The following LGALS8 variants were observed in gnomAD, a reference collection of about 807,000 sequenced individuals.
LGALS8 encodes the protein galectin 8.
In LGALS8, 30 loss-of-function variants were observed where a neutral mutation model predicts 35.9. The observed-to-expected ratio is 0.83, with a 90% CI of 0.62 to 1.13. LGALS8 has a LOEUF of 1.13. Ranked by LOEUF, LGALS8 falls within the 50% of genes most tolerant of loss-of-function variation. The pLI is 0.00. For missense variants in LGALS8, 366 were observed against 388.7 expected (o/e 0.94, Z 0.49); for synonymous variants, 138 against 136.1 (o/e 1.01, Z -0.10).
chr1:236,530,391 C>T (rs1661080407), intron 2 of LGALS8, among the ~76,000 whole-genome samples: 1 of 152,206 alleles, frequency 6.6e-6, no homozygotes. Context: ...GCCTTCCTGA[C>T]TGAGAGTGGA....
chr1:236,544,729 T>G (rs767636425), intron 8 of LGALS8, 21 bp from the exon 9 acceptor site: 2 of 1,571,444 alleles, frequency 1.3e-6, no homozygotes, highest in Admixed American at 2.0e-5. Context: ...AAGGTTTTTT[T>G]TTTTCTTTCT....
Position 236,549,045 on chromosome 1 carries a change from G to A in LGALS8, c.*884G>A, listed in dbSNP as rs1199637341. On this transcript the variant is annotated 3_prime_UTR_variant, in exon 10 of 10. Transcript: ENST00000366584. Reference sequence around the variant, plus strand: ...ATTTATGGGCAACAAAGTAAGGTCAGGATTAGACTTCAGGCATTCATAAGG... The same window carrying A: ...ATTTATGGGCAACAAAGTAAGGTCAAGATTAGACTTCAGGCATTCATAAGG... The A allele has an allele frequency of 2.5e-6, 1 of 398,576 alleles. No individual in the cohort carries two copies. The highest frequency in any genetic ancestry group is 3.6e-5 in the East Asian group (1 of 28,086). 24.7% of individuals were successfully genotyped at this position (398,576 alleles called of 1,614,324 possible).
chr1:236,547,975 A>AG (rs1662501413), intron 9 of LGALS8, 37 bp from the exon 10 acceptor site: 1 of 1,579,064 alleles, frequency 6.3e-7, no homozygotes, highest in Non-Finnish European at 8.7e-7. Context: ...TTTTAAACTA[A>AG]GGGGAACCAC....
Position 236,537,784 on chromosome 1 carries a change from G to A in LGALS8, c.134+199G>A, listed in dbSNP as rs74151925. Among the ~76,000 whole-genome samples, 333 of 116,130 alleles carry A rather than the reference G, an allele frequency of 2.9e-3. 3 individuals are homozygous for A. Among genetic ancestry groups the A allele is most frequent in the African/African-American group, 9.4e-3 (325 of 34,544 alleles). 76.2% of individuals were successfully genotyped at this position (116,130 alleles called of 152,430 possible). A position where few individuals can be genotyped will look rare whatever the true frequency, so the allele number is the denominator to read the frequency against. Reference sequence around the variant, plus strand: ...ATTGGGATTTATTTCATTGCTGTAAGTCTGATTTCAGTATAAAAAATTAGA... The same window carrying A: ...ATTGGGATTTATTTCATTGCTGTAAATCTGATTTCAGTATAAAAAATTAGA... On this transcript the variant is annotated intron_variant, in intron 3 of 9. Coordinates refer to ENST00000366584, the MANE Select transcript of LGALS8 (RefSeq NM_201544.4).
intron 1 of LGALS8, chr1:236,524,648 G>A (rs982399659): frequency 1.2e-5 from 4 of 347,588 alleles, no homozygotes; most frequent in African/African-American, 2.1e-5. Context: ...TGTTCATGCT[G>A]GCGGGACCTG....
intron 5 of LGALS8, chr1:236,541,390 T>TA (rs1344188908): frequency 2.2e-5 from 7 of 324,708 alleles, no homozygotes; most frequent in Non-Finnish European, 3.3e-5. Context: ...TGATAGATAC[T>TA]AACTCGCCCT....
intron 2 of LGALS8, among the ~76,000 whole-genome samples, chr1:236,529,933 G>C (rs1661055636): frequency 6.6e-6 from 1 of 152,196 alleles, no homozygotes; most frequent in Admixed American, 6.5e-5. Flanking sequence ...GATTATAGGC[G>C]TGAACCACCG....
At chr1:236,540,325 C>T (rs1661895124) in intron 4 of LGALS8, 1 of 441,934 alleles carries the variant, frequency 2.3e-6, no homozygotes, top group African/African-American at 2.1e-5. Flanking sequence ...CTTATGACTG[C>T]CTGTTTGTCT....
At position 236,538,919 on chromosome 1, in the gene LGALS8, C is replaced by T. The variant is rs146280598; in HGVS notation, c.175C>T (p.Arg59Ter). 4.9e-5 allele frequency: 79 copies of T among 1,613,050 alleles called. No homozygotes were observed. The African/African-American group carries it at 8.4e-4, about 17-fold the overall frequency. Residue 59 changes from arginine to a stop codon, truncating the protein, a stop_gained, in exon 4 of 10, where the codon CGA becomes TGA. Coordinates refer to ENST00000366584, the MANE Select transcript of LGALS8 (RefSeq NM_201544.4). LOFTEE classifies it high-confidence loss of function. ...DLQNGSSMKP[R>*]ADVAFHFNPR... ...GCAGAATGGCAGCAGCATGAAACCT[C>T]GAGCCGATGTGGCCTTTCATTTCAA...
intron 2 of LGALS8, among the ~76,000 whole-genome samples, chr1:236,532,727 C>T (rs1040171299): frequency 2.2e-4 from 33 of 152,124 alleles, no homozygotes; most frequent in African/African-American, 8.0e-4. Context: ...ACCTGTAATC[C>T]CAGCTATTCA....
At chr1:236,520,014 T>C (rs1422985461), upstream of LGALS8, among the ~76,000 whole-genome samples, 1 of 145,956 alleles carries the variant, frequency 6.9e-6, no homozygotes, top group East Asian at 2.0e-4. Flanking sequence ...TGGAGTACAG[T>C]GGTACAATCT....
rs549494319 is a variant in LGALS8, at chr1:236,543,475, C to T, written c.550-85C>T. On this transcript the variant is annotated intron_variant, in intron 7 of 9. Coordinates refer to ENST00000366584, the MANE Select transcript of LGALS8 (RefSeq NM_201544.4). ...GATTTACAGGGTCATGGCTCTGAAACATTCCGTAGTGTTCTTTGGACACGA... is the reference window on the plus strand; with the variant it reads ...GATTTACAGGGTCATGGCTCTGAAATATTCCGTAGTGTTCTTTGGACACGA... 4.5e-4 allele frequency: 453 copies of T among 1,011,404 alleles called. 1 individual carries two copies. In the East Asian group the frequency reaches 4.8e-3, roughly 11 times the overall value. The allele number at this position is 1,011,404 out of a possible 1,614,324, so 62.7% of individuals were successfully genotyped here.
Position 236,523,997 on chromosome 1 carries a change from C to T in LGALS8, c.-168C>T. On this transcript the variant is annotated 5_prime_UTR_variant, in exon 1 of 10. Transcript: ENST00000366584. ...GCCCACGGACGCCAGAGCCGGGAAC[C>T]CTGACGGCACTTAGCTGCTGACAAA... 5.0e-6 allele frequency: 2 copies of T among 399,374 alleles called. No individual in the cohort carries two copies. The highest frequency in any genetic ancestry group is 1.0e-5 in the Non-Finnish European group (2 of 197,572). The allele number at this position is 399,374 out of a possible 1,614,324, so 24.7% of individuals were successfully genotyped here.
intron 2 of LGALS8, among the ~76,000 whole-genome samples, chr1:236,527,958 A>T (rs561710047): frequency 3.3e-5 from 5 of 151,674 alleles, no homozygotes; most frequent in Admixed American, 3.3e-4. Flanking sequence ...CTAGTCTCAA[A>T]CTCCTGACCT....
Position 236,542,749 on chromosome 1 carries a change from C to T in LGALS8, c.523-12C>T, listed in dbSNP as rs1553277888. The T allele has an allele frequency of 6.2e-7, 1 of 1,613,704 alleles. No individual in the cohort carries two copies. The highest frequency in any genetic ancestry group is 8.5e-7 in the Non-Finnish European group (1 of 1,179,734). On this transcript the variant is annotated splice_polypyrimidine_tract_variant and intron_variant, in intron 6 of 9. Transcript: ENST00000366584. ...CTTCTAACATTGTTGTGTTTTGTTT[C>T]TTTTCCAATAGGTTCCAAAGTCTGG...
intron 2 of LGALS8, among the ~76,000 whole-genome samples, chr1:236,533,917 TAGCTCCCTCTGACCCTGGATGC>T (rs138991471): frequency 6.1e-5 from 9 of 148,738 alleles, no homozygotes; most frequent in Admixed American, 1.3e-4. Flanking sequence ...ACCCCAGATG[TAGCTCCCTCTGACCCTGGATGC>T]AGCTCCCTCT....
chr1:236,523,496 G>A (rs534764932), upstream of LGALS8: 655 of 156,846 alleles, frequency 4.2e-3, 8 homozygotes, highest in African/African-American at 0.015. Context: ...TGACCCCGTG[G>A]ACCTGGGCGC....
chr1:236,548,051 G>A lies in LGALS8; in HGVS notation c.844G>A (p.Val282Ile). Residue 282 changes from valine (V) to isoleucine (I), a missense_variant, in exon 10 of 10, where the codon GTA (valine) becomes ATA (isoleucine). Coordinates refer to ENST00000366584, the MANE Select transcript of LGALS8 (RefSeq NM_201544.4). ...YCDVREFKVA[V>I]NGVHSLEYKH... is the part of the protein sequence containing the mutation. ...TGATGTTAGAGAATTCAAGGTTGCA[G>A]TAAATGGCGTACACAGCCTGGAGTA... is the stretch of plus-strand genomic sequence containing the variant. The A allele has an allele frequency of 6.2e-7, 1 of 1,612,940 alleles. No homozygotes were observed. Among genetic ancestry groups the A allele is most frequent in the Non-Finnish European group, 8.5e-7 (1 of 1,178,914 alleles).
Position 236,552,060 on chromosome 1 carries a change from T to C in LGALS8, c.*3899T>C. 2 of 1,613,812 alleles carry C rather than the reference T, an allele frequency of 1.2e-6. No homozygotes were observed. Among genetic ancestry groups the C allele is most frequent in the Non-Finnish European group, 8.5e-7 (1 of 1,179,880 alleles). On this transcript the variant is annotated 3_prime_UTR_variant, in exon 10 of 10. Coordinates refer to ENST00000366584, the MANE Select transcript of LGALS8 (RefSeq NM_201544.4). The stretch of plus-strand genomic sequence containing the variant: ...GTAGCAAGACAATATAATTCTCCTT[T>C]AGTTTTTCAGCCAGTGCTAACACAG...
Sources: gnomAD v4.1 joint callset for allele counts (sites outside exome capture counted in the v4.1 genomes callset) on GRCh38, gnomAD v4.1.1 for gene constraint, MANE v1.5 for transcripts, NCBI Gene and HGNC (gene_info 2026-07-23, HGNC 2026-07-21) for gene names.